Variants in PAPPA observed in about 807,000 individuals in gnomAD.
PAPPA encodes the protein pappalysin-1.
A neutral mutation model predicts 164.0 loss-of-function variants in PAPPA; 60 were observed. That is an observed-to-expected ratio of 0.37 (90% CI 0.30 to 0.45). PAPPA has a LOEUF of 0.45. Among genes scored for constraint, PAPPA ranks in the 20% least tolerant of loss-of-function variants. The pLI is 1.00. For missense variants in PAPPA, 1,782 were observed against 2,087.3 expected (o/e 0.85, Z 2.85); for synonymous variants, 875 against 814.1 (o/e 1.07, Z -1.27).
At chr9:116,160,374 A>G (rs543779797) in intron 1 of PAPPA, among the ~76,000 whole-genome samples, 2 of 152,276 alleles carry the variant, frequency 1.3e-5, no homozygotes, top group South Asian at 4.1e-4. Flanking sequence ...GAGGCACCTG[A>G]TGTCAAATGA....
chr9:116,289,368 G>GGCATATATATAGCATATATATA (rs1845404539), intron 9 of PAPPA, among the ~76,000 whole-genome samples: 1 of 99,802 alleles, frequency 1.0e-5, no homozygotes. Context: ...GCATATATAT[G>GGCATATATATAGCATATATATA]GCATATATAT....
intron 9 of PAPPA, among the ~76,000 whole-genome samples, chr9:116,294,557 AT>A (rs1845477897): frequency 6.6e-6 from 1 of 152,206 alleles, no homozygotes; most frequent in South Asian, 2.1e-4. Context: ...GAGGAAACAT[AT>A]GCCAATATAT....
At chr9:116,340,110 C>G (rs965245475) in intron 13 of PAPPA, among the ~76,000 whole-genome samples, 1 of 152,194 alleles carries the variant, frequency 6.6e-6, no homozygotes, top group African/African-American at 2.4e-5. Context: ...ACCTTTCTCC[C>G]TTCAAAGAAG....
At chr9:116,244,841 T>C (rs1287443617) in intron 7 of PAPPA, among the ~76,000 whole-genome samples, 1 of 152,052 alleles carries the variant, frequency 6.6e-6, no homozygotes, top group Non-Finnish European at 1.5e-5. Flanking sequence ...GATAAATCAT[T>C]AGAAAGATAC....
chr9:116,233,702 C>T (rs916913138), intron 6 of PAPPA, among the ~76,000 whole-genome samples: 6 of 152,162 alleles, frequency 3.9e-5, no homozygotes, highest in Non-Finnish European at 7.4e-5. Flanking sequence ...AGGTTAGAGG[C>T]ATTTACAGCC....
At chr9:116,243,654 T>C (rs1844762366) in intron 7 of PAPPA, among the ~76,000 whole-genome samples, 1 of 152,156 alleles carries the variant, frequency 6.6e-6, no homozygotes, top group Non-Finnish European at 1.5e-5. Flanking sequence ...AGAAAATGAA[T>C]ACTAAAATTA....
chr9:116,199,622 C>A (rs556530741), intron 2 of PAPPA, among the ~76,000 whole-genome samples: 1 of 152,098 alleles, frequency 6.6e-6, no homozygotes, highest in African/African-American at 2.4e-5. Context: ...CTTGGGACTC[C>A]CAGGACACTT....
At chr9:116,263,287 C>T (rs1845025057) in intron 7 of PAPPA, among the ~76,000 whole-genome samples, 2 of 152,168 alleles carry the variant, frequency 1.3e-5, no homozygotes, top group Non-Finnish European at 1.5e-5. Context: ...AAAGAGAAAC[C>T]TTCTGGGATC....
intron 1 of PAPPA, among the ~76,000 whole-genome samples, chr9:116,156,757 A>G (rs1843609689): frequency 6.6e-6 from 1 of 152,142 alleles, no homozygotes; most frequent in African/African-American, 2.4e-5. Context: ...TATCCTCCAC[A>G]TGGTACAGGC....
Position 116,192,939 on chromosome 9 carries a change from A to G in PAPPA, c.1478+4723A>G, listed in dbSNP as rs374085863. Among the ~76,000 whole-genome samples the G allele has an allele frequency of 3.3e-5, 5 of 152,126 alleles. No individual in the cohort carries two copies. The East Asian group carries it at 7.7e-4, about 24-fold the overall frequency. ...GAGAGGATATTGCAGCAAACCAACC[A>G]AGTTCCTGTTTGGACCCTTCCAAAC... On this transcript the variant is annotated intron_variant, in intron 2 of 21. Coordinates refer to ENST00000328252, the MANE Select transcript of PAPPA (RefSeq NM_002581.5).
At chr9:116,172,594 T>G (rs1403857498) in intron 1 of PAPPA, among the ~76,000 whole-genome samples, 1 of 152,214 alleles carries the variant, frequency 6.6e-6, no homozygotes, top group Non-Finnish European at 1.5e-5. Flanking sequence ...CTGAATTACC[T>G]GATACTCCTA....
intron 17 of PAPPA, among the ~76,000 whole-genome samples, chr9:116,354,023 T>C (rs185699210): frequency 1.3e-5 from 2 of 152,254 alleles, no homozygotes; most frequent in Admixed American, 1.3e-4. Flanking sequence ...TGTATGAAGT[T>C]GATAAAAGTT....
At chr9:116,192,568 T>C (rs1844055386) in intron 2 of PAPPA, among the ~76,000 whole-genome samples, 1 of 152,184 alleles carries the variant, frequency 6.6e-6, no homozygotes, top group South Asian at 2.1e-4. Context: ...TACCACCTAG[T>C]GGGTAAGACA....
At chr9:116,370,432 C>A (rs1296173587) in intron 19 of PAPPA, among the ~76,000 whole-genome samples, 3 of 152,180 alleles carry the variant, frequency 2.0e-5, no homozygotes, top group African/African-American at 4.8e-5. Flanking sequence ...TCCCTGCAGC[C>A]TCTATGAAAT....
intron 7 of PAPPA, among the ~76,000 whole-genome samples, chr9:116,237,868 C>T (rs1053500148): frequency 8.5e-5 from 13 of 152,120 alleles, no homozygotes; most frequent in African/African-American, 3.1e-4. Context: ...TACAGGCACG[C>T]ACCACCACGC....
At position 116,396,927 on chromosome 9, in the gene PAPPA, T is replaced by C. The variant is rs181773218; in HGVS notation, c.*311T>C. ...ACCACAGCAAGAAACGTGTTCTATA[T>C]CTAGAGTGTGCCCATCTGTGTTTAG... On this transcript the variant is annotated 3_prime_UTR_variant, in exon 22 of 22. Transcript: ENST00000328252. 22 of 386,766 alleles carry C rather than the reference T, an allele frequency of 5.7e-5. No homozygotes were observed. The Admixed American group carries it at 8.5e-4, about 15-fold the overall frequency. 24.0% of individuals were successfully genotyped at this position (386,766 alleles called of 1,614,324 possible). A position where few individuals can be genotyped will look rare whatever the true frequency, so the allele number is the denominator to read the frequency against.
chr9:116,390,812 T>A (rs953719375), intron 21 of PAPPA, among the ~76,000 whole-genome samples: 3 of 152,212 alleles, frequency 2.0e-5, no homozygotes, highest in Admixed American at 6.5e-5. Flanking sequence ...CTTATCAGCA[T>A]CATTATCAAT....
At chr9:116,278,048 A>G (rs1182208767) in intron 9 of PAPPA, among the ~76,000 whole-genome samples, 1 of 152,250 alleles carries the variant, frequency 6.6e-6, no homozygotes, top group African/African-American at 2.4e-5. Flanking sequence ...TTTGTAGAGG[A>G]AAAAACTGTG....
chr9:116,268,293 G>C (rs956882315), intron 8 of PAPPA, among the ~76,000 whole-genome samples: 3 of 152,164 alleles, frequency 2.0e-5, no homozygotes, highest in Admixed American at 6.5e-5. Context: ...TTCCAATGCA[G>C]TAAAATTGGG....
Sources: gnomAD v4.1 joint callset for allele counts (sites outside exome capture counted in the v4.1 genomes callset) on GRCh38, gnomAD v4.1.1 for gene constraint, MANE v1.5 for transcripts, NCBI Gene and HGNC (gene_info 2026-07-23, HGNC 2026-07-21) for gene names.